Variants in CENPC observed in about 807,000 individuals in gnomAD.
CENPC encodes the protein centromere protein C.
In CENPC, 63 loss-of-function variants were observed where a neutral mutation model predicts 112.1. That is an observed-to-expected ratio of 0.56 (90% CI 0.46 to 0.69). The LOEUF is 0.69. Among genes scored for constraint, CENPC ranks in the 30% least tolerant of loss-of-function variants. The probability of loss-of-function intolerance (pLI) is 0.00; values close to 1 mark genes in which losing one functional copy is unlikely to be tolerated. For missense variants in CENPC, 1,000 were observed against 1,103.8 expected, an observed-to-expected ratio of 0.91 and a Z score of 1.33; for synonymous variants, 333 against 367.6, an observed-to-expected ratio of 0.91 and a Z score of 1.08.
chr4:67,486,727 A>C (rs895584794), intron 17 of CENPC, among the ~76,000 whole-genome samples: 1 of 152,160 alleles, frequency 6.6e-6, no homozygotes, highest in Non-Finnish European at 1.5e-5. Context: ...CTAATCAAAA[A>C]TGTTACTAGT....
At chr4:67,540,884 C>T in intron 3 of CENPC, 96 bp downstream of exon 3, 1 of 877,280 alleles carries the variant, frequency 1.1e-6, no homozygotes. Context: ...TATTTAAACC[C>T]TAGAACATAT....
chr4:67,518,041 A>T (rs1015731380), intron 7 of CENPC, 115 bp downstream of exon 7: 2 of 599,320 alleles, frequency 3.3e-6, no homozygotes, highest in African/African-American at 1.9e-5. Flanking sequence ...TTTCAATTAA[A>T]ATTTTTGTTA....
At chr4:67,506,493 G>C (rs1198977736) in intron 11 of CENPC, among the ~76,000 whole-genome samples, 3 of 152,160 alleles carry the variant, frequency 2.0e-5, no homozygotes, top group Non-Finnish European at 4.4e-5. Flanking sequence ...ACTGGAAACA[G>C]CCAGAACGGA....
intron 12 of CENPC, among the ~76,000 whole-genome samples, chr4:67,502,228 A>G (rs1165254986): frequency 6.6e-6 from 1 of 152,158 alleles, no homozygotes; most frequent in African/African-American, 2.4e-5. Flanking sequence ...ATATGTGAGA[A>G]TGTCTACCAA....
chr4:67,511,476 G>A (rs935625920), intron 9 of CENPC, among the ~76,000 whole-genome samples: 9 of 152,188 alleles, frequency 5.9e-5, no homozygotes, highest in Middle Eastern at 3.4e-3. Context: ...TTCATATTGT[G>A]CAGAAAAAAG....
rs190409959 is a variant in CENPC at position 67,529,557 on chromosome 4, C to G, written c.331+1258G>C. On this transcript the variant is annotated intron_variant, in intron 5 of 18. Transcript: ENST00000273853. ...GCCATGCTGGTCTCAAACTCCTGAC[C>G]TCAACTGATCCACCTGCCTCAGCCT... 4.5e-3 allele frequency among the ~76,000 whole-genome samples: 692 copies of G among 152,184 alleles called. 16 individuals are homozygous for G. Among genetic ancestry groups the G allele is most frequent in the Non-Finnish European group, 6.2e-4 (42 of 68,024 alleles).
At chr4:67,533,087 G>A (rs1726607023) in intron 4 of CENPC, among the ~76,000 whole-genome samples, 2 of 152,126 alleles carry the variant, frequency 1.3e-5, no homozygotes, top group Non-Finnish European at 2.9e-5. Context: ...TACATGGTTT[G>A]CCTGTGTCCC....
chr4:67,484,387 G>A (rs920350458), intron 17 of CENPC, among the ~76,000 whole-genome samples: 3 of 152,136 alleles, frequency 2.0e-5, no homozygotes, highest in Non-Finnish European at 2.9e-5. Context: ...TAATACAGAT[G>A]TCCCCAACCC....
intron 4 of CENPC, among the ~76,000 whole-genome samples, chr4:67,535,564 G>T (rs577539564): frequency 6.6e-5 from 10 of 152,090 alleles, no homozygotes; most frequent in African/African-American, 1.2e-4. Flanking sequence ...CAGGTGCACA[G>T]AAAGTCAAAA....
chr4:67,530,270 A>ATT (rs1726507038), intron 5 of CENPC, among the ~76,000 whole-genome samples: 1 of 152,212 alleles, frequency 6.6e-6, no homozygotes, highest in Non-Finnish European at 1.5e-5. Flanking sequence ...CACTAAAGTA[A>ATT]AAAGGAGATT....
intron 17 of CENPC, among the ~76,000 whole-genome samples, chr4:67,489,710 A>G (rs1384719297): frequency 1.3e-5 from 2 of 152,108 alleles, no homozygotes; most frequent in Non-Finnish European, 2.9e-5. Flanking sequence ...TTGCAAACCT[A>G]TATTTAAGAT....
chr4:67,484,664 T>C (rs1248105340), intron 17 of CENPC, among the ~76,000 whole-genome samples: 2 of 152,228 alleles, frequency 1.3e-5, no homozygotes, highest in African/African-American at 2.4e-5. Flanking sequence ...AAACCAGTCC[T>C]TGGTGCCAAA....
intron 18 of CENPC, among the ~76,000 whole-genome samples, chr4:67,473,768 T>TC (rs1724732724): frequency 6.6e-6 from 1 of 152,066 alleles, no homozygotes; most frequent in Middle Eastern, 3.2e-3. Flanking sequence ...CCCAGGCTGG[T>TC]CCCGAACTCC....
At chr4:67,505,637 T>C (rs1213202203) in intron 11 of CENPC, among the ~76,000 whole-genome samples, 1 of 152,186 alleles carries the variant, frequency 6.6e-6, no homozygotes, top group Non-Finnish European at 1.5e-5. Flanking sequence ...TACTGTATTT[T>C]TATTTGTATT....
At chr4:67,516,600 G>A (rs1307887996) in intron 7 of CENPC, among the ~76,000 whole-genome samples, 1 of 151,912 alleles carries the variant, frequency 6.6e-6, no homozygotes, top group Non-Finnish European at 1.5e-5. Context: ...ACTCTCTAAT[G>A]GTAGAGTTTC....
At chr4:67,532,388 C>A (rs1317679883) in intron 4 of CENPC, among the ~76,000 whole-genome samples, 2 of 152,156 alleles carry the variant, frequency 1.3e-5, no homozygotes, top group South Asian at 2.1e-4. Flanking sequence ...CCAGCCATCC[C>A]ATTACTGGGC....
intron 16 of CENPC, among the ~76,000 whole-genome samples, chr4:67,491,348 G>A (rs935060728): frequency 1.1e-4 from 16 of 149,162 alleles, no homozygotes; most frequent in African/African-American, 1.5e-4. Flanking sequence ...TACCATTACC[G>A]CGTTTCTGAT....
intron 15 of CENPC, 145 bp downstream of exon 15, chr4:67,492,724 A>C: frequency 8.1e-7 from 1 of 1,227,496 alleles, no homozygotes; most frequent in Non-Finnish European, 1.1e-6. Context: ...ATTTGGAAGA[A>C]AGTAGACATT....
intron 17 of CENPC, among the ~76,000 whole-genome samples, chr4:67,483,375 C>T (rs1725004962): frequency 6.6e-6 from 1 of 151,700 alleles, no homozygotes. Context: ...AAAAAATTAT[C>T]TATGTAACCA....
Sources: gnomAD v4.1 joint callset for allele counts (sites outside exome capture counted in the v4.1 genomes callset) on GRCh38, gnomAD v4.1.1 for gene constraint, MANE v1.5 for transcripts, NCBI Gene and HGNC (gene_info 2026-07-23, HGNC 2026-07-21) for gene names.